CEP70: variants seen among roughly 807,000 people sequenced by gnomAD.
The protein encoded by CEP70 is centrosomal protein 70.
CEP70 carries 70 observed loss-of-function variants against 90.9 expected under a neutral mutation model. That is an observed-to-expected ratio of 0.77 (90% confidence interval 0.64 to 0.94). The LOEUF is 0.94. CEP70 is among the 40% of genes least tolerant of loss of function. The probability of loss-of-function intolerance (pLI) is 0.00; values close to 1 mark genes in which losing one functional copy is unlikely to be tolerated. For synonymous variants in CEP70, 220 were observed against 228.3 expected (o/e 0.96, Z 0.33); for missense variants, 648 against 669.0 (o/e 0.97, Z 0.35).
rs1005707254 is a variant in CEP70, at chr3:138,505,578, A to C, written c.1051-113T>G. 64 of 571,410 alleles carry C rather than the reference A, an allele frequency of 1.1e-4. No homozygotes were observed. The African/African-American group carries it at 1.2e-3, about 10-fold the overall frequency. The allele number at this position is 571,410 out of a possible 1,614,324, so 35.4% of individuals were successfully genotyped here. A position where few individuals can be genotyped will look rare whatever the true frequency, so the allele number is the denominator to read the frequency against. ...ATATTATATACACATATTTCATTAA[A>C]TATACAAAGAAAATTATCATAAGGA... On this transcript the variant is annotated intron_variant, in intron 12 of 17. Coordinates refer to ENST00000264982, the MANE Select transcript of CEP70 (RefSeq NM_024491.4).
At chr3:138,586,824 AAG>A (rs2042126107) in intron 2 of CEP70, among the ~76,000 whole-genome samples, 2 of 152,198 alleles carry the variant, frequency 1.3e-5, no homozygotes, top group East Asian at 1.9e-4. Flanking sequence ...AAGTAACTAA[AAG>A]AGAATAATTG....
At chr3:138,508,666 T>G in intron 11 of CEP70, 122 bp from the exon 12 acceptor site, 1 of 687,308 alleles carries the variant, frequency 1.5e-6, no homozygotes, top group East Asian at 2.6e-5. Flanking sequence ...TACTTATATG[T>G]GTGTGTGCAC....
chr3:138,571,762 A>C (rs1217891223), intron 3 of CEP70, among the ~76,000 whole-genome samples: 1 of 151,600 alleles, frequency 6.6e-6, no homozygotes, highest in African/African-American at 2.4e-5. Context: ...AAGGTGAGTC[A>C]CTTCTAAGTA....
At position 138,500,761 on chromosome 3, in the gene CEP70, G is replaced by T; in HGVS notation, c.1342C>A (p.Leu448Met). ...EDLLFIVDTM[L>M]EEVENKEKDS... ...TTTTCCTTATTTTCAACTTCTTCCAGCATAGTATCTACTATAAACAACAAA... is the reference window on the plus strand; with the variant it reads ...TTTTCCTTATTTTCAACTTCTTCCATCATAGTATCTACTATAAACAACAAA... Residue 448 changes from leucine to methionine, a missense_variant, in exon 14 of 18, where the codon CTG becomes ATG. Physicochemically the swap from Leu to Met is conservative, Grantham distance 15. Transcript: ENST00000264982. 1 of 1,599,764 alleles carries T rather than the reference G, an allele frequency of 6.3e-7. No individual in the cohort carries two copies. Among genetic ancestry groups the T allele is most frequent in the Non-Finnish European group, 8.5e-7 (1 of 1,173,872 alleles).
At chr3:138,591,442 T>C (rs1285381251) in intron 2 of CEP70, among the ~76,000 whole-genome samples, 3 of 152,126 alleles carry the variant, frequency 2.0e-5, no homozygotes, top group Non-Finnish European at 4.4e-5. Context: ...CAGAGCTCTG[T>C]AGCCAGACTG....
At chr3:138,589,584 G>C (rs1271117955) in intron 2 of CEP70, among the ~76,000 whole-genome samples, 1 of 152,022 alleles carries the variant, frequency 6.6e-6, no homozygotes, top group Admixed American at 6.6e-5. Context: ...CTTGAACCCA[G>C]GAGGTGGAGG....
Position 138,525,334 on chromosome 3 carries a change from T to C in CEP70, c.944+156A>G, listed in dbSNP as rs569354332. Among the ~76,000 whole-genome samples the C allele has an allele frequency of 4.7e-3, 721 of 152,026 alleles. 4 individuals are homozygous for C. The highest frequency in any genetic ancestry group is 0.017 in the African/African-American group (694 of 41,472). ...ATGTTAAATGACGAGTTACTGGGTG[T>C]AGCACACCAACATGGCACATGTATA... On this transcript the variant is annotated intron_variant, in intron 11 of 17. Coordinates refer to ENST00000264982, the MANE Select transcript of CEP70 (RefSeq NM_024491.4).
At chr3:138,558,259 G>A (rs2040162416) in intron 6 of CEP70, among the ~76,000 whole-genome samples, 2 of 152,152 alleles carry the variant, frequency 1.3e-5, no homozygotes, top group South Asian at 4.1e-4. Context: ...CAGCTACTCA[G>A]GAGGCTGAAG....
intron 6 of CEP70, among the ~76,000 whole-genome samples, chr3:138,538,517 G>C (rs1196674498): frequency 6.6e-6 from 1 of 152,144 alleles, no homozygotes; most frequent in East Asian, 1.9e-4. Context: ...GAATTGTAAA[G>C]AACCTCTATG....
intron 2 of CEP70, among the ~76,000 whole-genome samples, chr3:138,589,764 C>T (rs999137095): frequency 2.6e-5 from 4 of 152,230 alleles, no homozygotes; most frequent in African/African-American, 9.6e-5. Flanking sequence ...GATACCAATA[C>T]TTTATTCCAG....
chr3:138,542,279 A>G (rs2107857156), intron 6 of CEP70, among the ~76,000 whole-genome samples: 1 of 152,292 alleles, frequency 6.6e-6, no homozygotes, highest in South Asian at 2.1e-4. Flanking sequence ...CGCTGTGGGC[A>G]CCAATGCCTG....
intron 11 of CEP70, among the ~76,000 whole-genome samples, chr3:138,510,029 A>G (rs532756225): frequency 1.3e-5 from 2 of 152,302 alleles, no homozygotes; most frequent in South Asian, 4.1e-4. Context: ...TAAGAAAAAA[A>G]GTGTATGCTG....
At chr3:138,506,505 A>G (rs1415043452) in intron 12 of CEP70, among the ~76,000 whole-genome samples, 1 of 152,218 alleles carries the variant, frequency 6.6e-6, no homozygotes, top group African/African-American at 2.4e-5. Flanking sequence ...TAAAGAGAGA[A>G]GAATAAAGCC....
intron 10 of CEP70, among the ~76,000 whole-genome samples, chr3:138,528,474 G>C (rs1473137343): frequency 6.6e-6 from 1 of 152,124 alleles, no homozygotes; most frequent in Non-Finnish European, 1.5e-5. Context: ...GTGAGTATAA[G>C]AATATTATGT....
At chr3:138,520,405 T>TTG (rs2036502172) in intron 11 of CEP70, among the ~76,000 whole-genome samples, 2 of 152,170 alleles carry the variant, frequency 1.3e-5, no homozygotes, top group Admixed American at 6.5e-5. Context: ...ACACCACACC[T>TTG]ATTCCAAAAT....
At chr3:138,591,027 T>C (rs2042356135) in intron 2 of CEP70, among the ~76,000 whole-genome samples, 1 of 152,186 alleles carries the variant, frequency 6.6e-6, no homozygotes, top group Non-Finnish European at 1.5e-5. Context: ...AAAAAGATTT[T>C]GTTAAATAAC....
At chr3:138,520,459 A>C (rs907316236) in intron 11 of CEP70, among the ~76,000 whole-genome samples, 9 of 152,186 alleles carry the variant, frequency 5.9e-5, no homozygotes, top group African/African-American at 2.2e-4. Flanking sequence ...CAAATGTAAA[A>C]GAATAGAAAT....
intron 7 of CEP70, among the ~76,000 whole-genome samples, chr3:138,533,274 C>A (rs2037980977): frequency 6.8e-6 from 1 of 146,178 alleles, no homozygotes. Flanking sequence ...AGCAAGACTC[C>A]ATCTCAAAAA....
At chr3:138,584,254 C>T (rs1010491531) in intron 2 of CEP70, among the ~76,000 whole-genome samples, 50 of 152,006 alleles carry the variant, frequency 3.3e-4, no homozygotes, top group African/African-American at 1.2e-3. Context: ...CCAATAACAA[C>T]TAACAACATT....
Sources: gnomAD v4.1 joint callset for allele counts (sites outside exome capture counted in the v4.1 genomes callset) on GRCh38, gnomAD v4.1.1 for gene constraint, MANE v1.5 for transcripts, NCBI Gene and HGNC (gene_info 2026-07-23, HGNC 2026-07-21) for gene names.